Variants in INSIG2 observed in about 807,000 individuals in gnomAD.
INSIG2 encodes insulin induced gene 2, also known as insulin-induced gene 2 protein.
Under a neutral mutation model 27.2 loss-of-function variants are expected in INSIG2, and 10 were observed. The ratio of observed to expected loss-of-function variants is 0.37; its 90% confidence interval spans 0.23 to 0.62. The LOEUF is 0.62. Ranked by LOEUF, INSIG2 falls within the 20% of genes least tolerant of loss-of-function variation. The pLI, the probability that INSIG2 is intolerant of heterozygous loss-of-function variation, is 0.65. For synonymous variants in INSIG2, 97 were observed against 95.8 expected (o/e 1.01, Z -0.07); for missense variants, 178 against 270.2 (o/e 0.66, Z 2.39).
chr2:118,099,190 C>T (rs577303594), intron 2 of INSIG2, among the ~76,000 whole-genome samples: 12 of 152,236 alleles, frequency 7.9e-5, no homozygotes, highest in East Asian at 1.9e-4. Flanking sequence ...TATGTGTTGG[C>T]GTGGATTTTC....
At chr2:118,100,260 C>T (rs2104531757) in intron 2 of INSIG2, among the ~76,000 whole-genome samples, 1 of 152,170 alleles carries the variant, frequency 6.6e-6, no homozygotes, top group South Asian at 2.1e-4. Flanking sequence ...TCCCCTAGCA[C>T]AGGCAAGGAG....
Position 118,103,261 on chromosome 2 carries a change from A to G in INSIG2, c.309A>G (p.Arg103=). 1 of 1,613,554 alleles carries G rather than the reference A, an allele frequency of 6.2e-7. No individual in the cohort carries two copies. Among genetic ancestry groups the G allele is most frequent in the Admixed American group, 1.7e-5 (1 of 60,026 alleles). Residue 103 remains arginine, a synonymous_variant, in exon 3 of 6, where the codon AGA becomes AGG. Coordinates refer to ENST00000245787, the MANE Select transcript of INSIG2 (RefSeq NM_016133.4). The stretch of plus-strand genomic sequence containing the variant: ...TAGGAGAACCACATAAATTTAAAAG[A>G]GAGTGGTCCAGTGTAATGCGGTGTG... ...RHLGEPHKFK[R]EWSSVMRCVA... is the part of the protein sequence containing the mutation.
chr2:118,094,367 A>AGATGAT lies in INSIG2; in HGVS notation c.-138-2035_-138-2030dup, dbSNP rs34116355. Among the ~76,000 whole-genome samples the AGATGAT allele has an allele frequency of 1.4e-3, 161 of 118,072 alleles. 29 individuals carry two copies. Among genetic ancestry groups the AGATGAT allele is most frequent in the African/African-American group, 4.7e-3 (124 of 26,480 alleles). The allele number at this position is 118,072 out of a possible 152,430, so 77.5% of individuals were successfully genotyped here. A position where few individuals can be genotyped will look rare whatever the true frequency, so the allele number is the denominator to read the frequency against. ...CTACTGAACCTTGCCAAAAGCAACCAGATGATGATGATGATGATGATGGAG... is the reference window on the plus strand; with the variant it reads ...CTACTGAACCTTGCCAAAAGCAACCAGATGATGATGATGATGATGATGATGATGGAG... On this transcript the variant is annotated intron_variant, in intron 1 of 5. Transcript: ENST00000245787.
intron 1 of INSIG2, among the ~76,000 whole-genome samples, chr2:118,093,014 A>C (rs1678296626): frequency 6.9e-6 from 1 of 144,742 alleles, no homozygotes. Flanking sequence ...GATGATGATG[A>C]TGAGGAGGAG....
Position 118,096,546 on chromosome 2 carries a change from C to T in INSIG2, c.-11C>T. On this transcript the variant is annotated 5_prime_UTR_variant, in exon 2 of 6. Coordinates refer to ENST00000245787, the MANE Select transcript of INSIG2 (RefSeq NM_016133.4). ...TTTTTTTTTTTAACGGCTTTCTGAA[C>T]CTATGAAACCATGGCAGAAGGAGAG... 1 of 1,602,750 alleles carries T rather than the reference C, an allele frequency of 6.2e-7. No individual in the cohort carries two copies. The highest frequency in any genetic ancestry group is 8.5e-7 in the Non-Finnish European group (1 of 1,174,868).
At chr2:118,097,956 G>A (rs982685932) in intron 2 of INSIG2, among the ~76,000 whole-genome samples, 8 of 152,206 alleles carry the variant, frequency 5.3e-5, no homozygotes, top group African/African-American at 1.9e-4. Context: ...TAAGGCTTCA[G>A]TGTTTATATA....
chr2:118,097,747 T>C (rs1421353994), intron 2 of INSIG2, among the ~76,000 whole-genome samples: 5 of 152,212 alleles, frequency 3.3e-5, no homozygotes, highest in African/African-American at 1.2e-4. Context: ...AAATTGCTTT[T>C]TAAATACCCA....
intron 2 of INSIG2, among the ~76,000 whole-genome samples, chr2:118,099,167 A>G (rs1270301101): frequency 2.0e-5 from 3 of 152,220 alleles, no homozygotes; most frequent in Non-Finnish European, 4.4e-5. Context: ...TAATATGCAT[A>G]TGTTTTTGTG....
At chr2:118,099,038 A>C (rs965240172) in intron 2 of INSIG2, among the ~76,000 whole-genome samples, 4 of 152,190 alleles carry the variant, frequency 2.6e-5, no homozygotes, top group Non-Finnish European at 4.4e-5. Context: ...GAGATGGAAA[A>C]TGGATTCTCT....
Position 118,108,744 on chromosome 2 carries a change from C to T in INSIG2, c.*422C>T, listed in dbSNP as rs1286299937. ...AATAAAATAAGAGGAAAGCCAAAAA[C>T]AAACAAACAAAAAGCATATGGGGAG... On this transcript the variant is annotated 3_prime_UTR_variant, in exon 6 of 6. Coordinates refer to ENST00000245787, the MANE Select transcript of INSIG2 (RefSeq NM_016133.4). 2.0e-5 allele frequency: 3 copies of T among 153,606 alleles called. No individual in the cohort carries two copies. The highest frequency in any genetic ancestry group is 4.4e-5 in the Non-Finnish European group (3 of 68,856). 9.5% of individuals were successfully genotyped at this position (153,606 alleles called of 1,614,324 possible).
chr2:118,102,967 ATGT>A (rs1176668062), intron 2 of INSIG2, among the ~76,000 whole-genome samples: 2 of 152,094 alleles, frequency 1.3e-5, no homozygotes, highest in African/African-American at 4.8e-5. Flanking sequence ...ATAATTTAGA[ATGT>A]TGTTGTAATC....
chr2:118,095,838 T>G (rs1231404781), intron 1 of INSIG2, among the ~76,000 whole-genome samples: 1 of 152,168 alleles, frequency 6.6e-6, no homozygotes, highest in Non-Finnish European at 1.5e-5. Flanking sequence ...TTGGTGTATA[T>G]GTAGGTGTGT....
At chr2:118,101,726 C>T (rs370550831) in intron 2 of INSIG2, among the ~76,000 whole-genome samples, 28 of 152,224 alleles carry the variant, frequency 1.8e-4, no homozygotes, top group African/African-American at 5.8e-4. Flanking sequence ...TTAATCTTGT[C>T]AGGATTTTGG....
intron 5 of INSIG2, 35 bp downstream of exon 5, chr2:118,107,224 G>C (rs371713889): frequency 1.4e-6 from 2 of 1,438,610 alleles, no homozygotes; most frequent in African/African-American, 2.8e-5. Flanking sequence ...ATAAGATGTG[G>C]AACAAATGAC....
At chr2:118,091,661 A>G (rs1459170097) in intron 1 of INSIG2, among the ~76,000 whole-genome samples, 1 of 152,252 alleles carries the variant, frequency 6.6e-6, no homozygotes. Flanking sequence ...ATTATATACT[A>G]TTGTATTATG....
chr2:118,107,024 ATTG>A, intron 4 of INSIG2, 63 bp from the exon 5 acceptor site: 1 of 1,459,990 alleles, frequency 6.8e-7, no homozygotes, highest in Non-Finnish European at 9.6e-7. Context: ...GTTTATTTTC[ATTG>A]TAATTATCTT....
chr2:118,106,624 T>C (rs780864280), intron 3 of INSIG2, 113 bp from the exon 4 acceptor site: 8 of 773,328 alleles, frequency 1.0e-5, no homozygotes, highest in Non-Finnish European at 1.7e-5. Flanking sequence ...TGAATGTACT[T>C]GAGTAGAAGC....
At chr2:118,106,390 G>C (rs1267398537) in intron 3 of INSIG2, among the ~76,000 whole-genome samples, 1 of 152,164 alleles carries the variant, frequency 6.6e-6, no homozygotes, top group African/African-American at 2.4e-5. Flanking sequence ...GTGTTCTGAG[G>C]CTTCCAGTTA....
Position 118,108,431 on chromosome 2 carries a change from C to T in INSIG2, c.*109C>T. On this transcript the variant is annotated 3_prime_UTR_variant, in exon 6 of 6. Transcript: ENST00000245787. ...TAAAATTGCCAGGATGCAGTTTTCC[C>T]CTTGATTGGCGTGTGTGTATATATG... 1.3e-6 allele frequency: 1 copy of T among 762,504 alleles called. No individual in the cohort carries two copies. Among genetic ancestry groups the T allele is most frequent in the South Asian group, 1.6e-5 (1 of 63,482 alleles). 47.2% of individuals were successfully genotyped at this position (762,504 alleles called of 1,614,324 possible).
Sources: allele counts gnomAD v4.1 joint callset (sites outside exome capture counted in the v4.1 genomes callset), GRCh38; gene constraint gnomAD v4.1.1; transcripts MANE v1.5; gene names NCBI Gene and HGNC (gene_info 2026-07-23, HGNC 2026-07-21).